MTRF1: variants seen among roughly 807,000 people sequenced by gnomAD.
MTRF1 encodes the protein mitochondrial translation release factor 1.
MTRF1 carries 51 observed loss-of-function variants against 62.9 expected under a neutral mutation model. That is an observed-to-expected ratio of 0.81 (90% CI 0.65 to 1.02). The LOEUF (loss-of-function observed/expected upper bound fraction) is 1.02, where lower values mean the gene tolerates loss of function less well. Among genes scored for constraint, MTRF1 ranks in the 50% least tolerant of loss-of-function variants. The pLI is 0.00. For missense variants in MTRF1, 446 were observed against 530.0 expected (o/e 0.84, Z 1.56); for synonymous variants, 158 against 181.9 (o/e 0.87, Z 1.06).
intron 9 of MTRF1, among the ~76,000 whole-genome samples, chr13:41,220,806 T>G (rs994742995): frequency 2.6e-5 from 4 of 152,190 alleles, no homozygotes; most frequent in African/African-American, 7.2e-5. Context: ...CTTTATATAT[T>G]GCAGTTTCAG....
At chr13:41,226,629 A>T (rs1474268383) in intron 7 of MTRF1, 61 bp from the exon 8 acceptor site, 1 of 1,571,866 alleles carries the variant, frequency 6.4e-7, no homozygotes, top group African/African-American at 1.4e-5. Context: ...GATAGAACCA[A>T]GGAACAGTTA....
the MTRF1 span, among the ~76,000 whole-genome samples, chr13:41,302,786 A>G: frequency 8.1e-3 from 1,229 of 152,262 alleles, 17 homozygotes; most frequent in African/African-American, 0.028. Flanking sequence ...TTGGCCTCCA[A>G]AGTTTTGGGA....
At chr13:41,302,525 T>C in the MTRF1 span, among the ~76,000 whole-genome samples, 17 of 150,684 alleles carry the variant, frequency 1.1e-4, no homozygotes, top group African/African-American at 4.1e-4. Flanking sequence ...TAGATCTGGA[T>C]TTTTTTTTAA....
chr13:41,282,918 G>C, the MTRF1 span, among the ~76,000 whole-genome samples: 1 of 152,166 alleles, frequency 6.6e-6, no homozygotes, highest in East Asian at 1.9e-4. Flanking sequence ...GACTGCCCTT[G>C]GGTCAGTAAA....
chr13:41,219,400 A>C (rs1482651771), intron 9 of MTRF1, among the ~76,000 whole-genome samples: 3 of 152,198 alleles, frequency 2.0e-5, no homozygotes, highest in Non-Finnish European at 4.4e-5. Context: ...AGTCAAACAC[A>C]TTAGATTCAA....
intron 5 of MTRF1, among the ~76,000 whole-genome samples, chr13:41,251,074 C>A (rs1168219075): frequency 2.0e-5 from 3 of 152,182 alleles, no homozygotes; most frequent in Admixed American, 6.5e-5. Flanking sequence ...CCTAGATCCT[C>A]ATCTGTAAAA....
intron 7 of MTRF1, among the ~76,000 whole-genome samples, chr13:41,232,966 A>G (rs2035852769): frequency 6.6e-6 from 1 of 152,204 alleles, no homozygotes; most frequent in Non-Finnish European, 1.5e-5. Flanking sequence ...AAATCACAGG[A>G]CTGTATACTA....
intron 7 of MTRF1, among the ~76,000 whole-genome samples, chr13:41,227,560 C>A (rs1304971378): frequency 1.3e-5 from 2 of 152,146 alleles, no homozygotes; most frequent in Non-Finnish European, 2.9e-5. Context: ...CTGAAACGAT[C>A]ACTTCTTGAG....
intron 5 of MTRF1, among the ~76,000 whole-genome samples, chr13:41,240,724 C>T (rs951395478): frequency 7.2e-5 from 11 of 152,048 alleles, no homozygotes; most frequent in Admixed American, 2.6e-4. Context: ...AATATTATTT[C>T]GTTATGTCTG....
intron 9 of MTRF1, among the ~76,000 whole-genome samples, chr13:41,219,471 C>T (rs367641402): frequency 4.6e-5 from 7 of 152,144 alleles, no homozygotes; most frequent in African/African-American, 1.7e-4. Context: ...TAGTTCCTAA[C>T]TTTCAGAGGC....
At chr13:41,259,717 A>C (rs1446805316) in intron 2 of MTRF1, among the ~76,000 whole-genome samples, 1 of 149,684 alleles carries the variant, frequency 6.7e-6, no homozygotes, top group Non-Finnish European at 1.5e-5. Flanking sequence ...AAAAAAAAAA[A>C]AAAACATAAA....
At chr13:41,257,198 T>C (rs1481814164) in intron 2 of MTRF1, among the ~76,000 whole-genome samples, 1 of 152,140 alleles carries the variant, frequency 6.6e-6, no homozygotes, top group Non-Finnish European at 1.5e-5. Flanking sequence ...ACATAGTACA[T>C]GGAGAGGCTG....
intron 5 of MTRF1, among the ~76,000 whole-genome samples, chr13:41,241,885 C>T (rs183952748): frequency 1.5e-3 from 229 of 152,314 alleles, no homozygotes; most frequent in Non-Finnish European, 2.7e-3. Context: ...AGGAGGTATA[C>T]GGTGTCTGGA....
chr13:41,247,372 A>G (rs963445384), intron 5 of MTRF1, among the ~76,000 whole-genome samples: 4 of 152,210 alleles, frequency 2.6e-5, no homozygotes, highest in African/African-American at 9.6e-5. Context: ...TTTCATTGAC[A>G]GGGATGGAGA....
At chr13:41,288,364 G>A in the MTRF1 span, 13 of 221,012 alleles carry the variant, frequency 5.9e-5, no homozygotes, top group Admixed American at 3.5e-4. Flanking sequence ...TAGGCACTAA[G>A]GCAAGAAGTG....
At chr13:41,256,872 C>G (rs910432176) in intron 2 of MTRF1, among the ~76,000 whole-genome samples, 5 of 152,074 alleles carry the variant, frequency 3.3e-5, no homozygotes, top group African/African-American at 1.2e-4. Flanking sequence ...TTTCATGCTG[C>G]AGAAGATAGA....
At chr13:41,243,840 G>A (rs916289166) in intron 5 of MTRF1, among the ~76,000 whole-genome samples, 22 of 152,126 alleles carry the variant, frequency 1.4e-4, no homozygotes, top group African/African-American at 5.3e-4. Context: ...ACACCTAACA[G>A]TCTCAGAATA....
At chr13:41,271,810 T>C in the MTRF1 span, among the ~76,000 whole-genome samples, 2 of 152,144 alleles carry the variant, frequency 1.3e-5, no homozygotes, top group Admixed American at 6.5e-5. Flanking sequence ...CTCAGTCTCC[T>C]GTTAACCTGT....
chr13:41,282,302 A>G, the MTRF1 span, among the ~76,000 whole-genome samples: 3 of 152,172 alleles, frequency 2.0e-5, no homozygotes, highest in African/African-American at 4.8e-5. Context: ...CTGAAAATCA[A>G]TGAAATAATC....
Sources: allele counts gnomAD v4.1 joint callset (sites outside exome capture counted in the v4.1 genomes callset), GRCh38; gene constraint gnomAD v4.1.1; transcripts MANE v1.5; gene names NCBI Gene and HGNC (gene_info 2026-07-23, HGNC 2026-07-21).